The following ANK3 variants were observed in gnomAD, a reference collection of about 807,000 sequenced individuals.
ANK3 encodes the protein ankyrin 3, also known as ankyrin-3.
A neutral mutation model predicts 370.9 loss-of-function variants in ANK3; 57 were observed. The observed-to-expected ratio is 0.15, with a 90% confidence interval of 0.12 to 0.19. The LOEUF is 0.19. ANK3 is among the 10% of genes least tolerant of loss of function. ANK3 has a pLI of 1.00. For missense variants in ANK3, 4,439 were observed against 5,302.1 expected (o/e 0.84, Z 5.06); for synonymous variants, 1,929 against 1,946.3 (o/e 0.99, Z 0.23).
chr10:60,647,003 A>T (rs945939929), intron 1 of ANK3, among the ~76,000 whole-genome samples: 1 of 152,172 alleles, frequency 6.6e-6, no homozygotes, highest in African/African-American at 2.4e-5. Flanking sequence ...GTATATAGAC[A>T]TTACAGACTT....
chr10:60,210,831 T>C (rs1400034229), intron 9 of ANK3, among the ~76,000 whole-genome samples: 1 of 152,132 alleles, frequency 6.6e-6, no homozygotes, highest in Admixed American at 6.5e-5. Context: ...AACCTAAGTG[T>C]CTGAAGCAGT....
intron 2 of ANK3, among the ~76,000 whole-genome samples, chr10:60,474,836 T>C (rs1253674637): frequency 6.6e-6 from 1 of 152,166 alleles, no homozygotes; most frequent in Non-Finnish European, 1.5e-5. Context: ...GAAGAATATA[T>C]ACTACTATGT....
At chr10:60,389,998 G>GA, upstream of ANK3, 1 of 249,060 alleles carries the variant, frequency 4.0e-6, no homozygotes, top group Non-Finnish European at 6.4e-6. Context: ...AGAATCCTTT[G>GA]AAAAAAAGAA....
chr10:60,049,547 A>C (rs766482270), intron 42 of ANK3, among the ~76,000 whole-genome samples: 1 of 152,102 alleles, frequency 6.6e-6, no homozygotes, highest in East Asian at 1.9e-4. Flanking sequence ...AGATTACACC[A>C]CTGCACTCCA....
chr10:60,603,444 AT>A (rs1212728044), intron 2 of ANK3, among the ~76,000 whole-genome samples: 4 of 152,268 alleles, frequency 2.6e-5, no homozygotes, highest in Admixed American at 2.6e-4. Context: ...AGTAGGCCAA[AT>A]TAGGAGGGAG....
At chr10:60,160,911 C>T (rs1006328890) in intron 23 of ANK3, among the ~76,000 whole-genome samples, 1 of 152,012 alleles carries the variant, frequency 6.6e-6, no homozygotes, top group African/African-American at 2.4e-5. Context: ...AAGCTGTAAA[C>T]AACAGGCCCA....
intron 1 of ANK3, among the ~76,000 whole-genome samples, chr10:60,349,203 T>G (rs1396911276): frequency 3.3e-5 from 5 of 152,214 alleles, no homozygotes; most frequent in Non-Finnish European, 7.3e-5. Flanking sequence ...CATTTGCTAC[T>G]TGAACTTAAC....
At chr10:60,497,285 C>T (rs1376274558) in intron 2 of ANK3, among the ~76,000 whole-genome samples, 3 of 152,024 alleles carry the variant, frequency 2.0e-5, no homozygotes, top group African/African-American at 7.2e-5. Flanking sequence ...GAGACCCTGT[C>T]TTTAAAAAAA....
intron 28 of ANK3, among the ~76,000 whole-genome samples, chr10:60,099,898 A>G (rs924005234): frequency 1.3e-5 from 2 of 151,350 alleles, no homozygotes; most frequent in African/African-American, 4.9e-5. Flanking sequence ...AACCTCGTGG[A>G]CCTGCTTCAC....
chr10:60,410,823 G>T (rs2063543993), intron 2 of ANK3, among the ~76,000 whole-genome samples: 1 of 151,964 alleles, frequency 6.6e-6, no homozygotes, highest in South Asian at 2.1e-4. Context: ...ACACCAGAAT[G>T]CCTGGCCAAT....
intron 1 of ANK3, among the ~76,000 whole-genome samples, chr10:60,380,930 G>T (rs748867010): frequency 6.6e-6 from 1 of 152,120 alleles, no homozygotes; most frequent in Admixed American, 6.5e-5. Flanking sequence ...CAATCAGATC[G>T]CAGGGAGAAG....
intron 2 of ANK3, among the ~76,000 whole-genome samples, chr10:60,597,112 A>C (rs1023684395): frequency 2.0e-5 from 3 of 151,894 alleles, no homozygotes; most frequent in African/African-American, 7.3e-5. Flanking sequence ...CCCCAAATGT[A>C]AAAAAAATAG....
intron 1 of ANK3, among the ~76,000 whole-genome samples, chr10:60,692,923 A>C (rs1012890331): frequency 6.6e-6 from 1 of 152,228 alleles, no homozygotes; most frequent in Non-Finnish European, 1.5e-5. Flanking sequence ...ATTACCACTT[A>C]TTAGGCATGT....
At chr10:60,429,254 C>T (rs2063959579) in intron 2 of ANK3, among the ~76,000 whole-genome samples, 1 of 152,038 alleles carries the variant, frequency 6.6e-6, no homozygotes, top group Non-Finnish European at 1.5e-5. Context: ...TCTTGAGGTG[C>T]TTTGTTATCT....
At chr10:60,198,877 T>C (rs1184717525) in intron 13 of ANK3, among the ~76,000 whole-genome samples, 1 of 152,206 alleles carries the variant, frequency 6.6e-6, no homozygotes, top group Non-Finnish European at 1.5e-5. Context: ...GTAAAACTCA[T>C]ATACCTGGGA....
chr10:60,404,915 CACTT>C (rs1437313981), intron 2 of ANK3, among the ~76,000 whole-genome samples: 1 of 152,068 alleles, frequency 6.6e-6, no homozygotes, highest in African/African-American at 2.4e-5. Context: ...CTTTAACAGA[CACTT>C]ACAAATTGGT....
chr10:60,264,800 C>G (rs2097854667), intron 5 of ANK3, among the ~76,000 whole-genome samples: 1 of 151,984 alleles, frequency 6.6e-6, no homozygotes, highest in Non-Finnish European at 1.5e-5. Context: ...CTGGTGCTGT[C>G]AGGATAGGTG....
chr10:60,098,452 A>G lies in ANK3; in HGVS notation c.3328+7453T>C, dbSNP rs73257316. On this transcript the variant is annotated intron_variant, in intron 28 of 43. Transcript: ENST00000280772. ...ATCTATAATATTCAACTCTAGTTATAGAATATGTAGAACAACATAGCATTG... is the reference window on the plus strand; with the variant it reads ...ATCTATAATATTCAACTCTAGTTATGGAATATGTAGAACAACATAGCATTG... Among the ~76,000 whole-genome samples the G allele has an allele frequency of 5.0e-3, 759 of 152,346 alleles. 9 individuals carry two copies. The highest frequency in any genetic ancestry group is 0.017 in the African/African-American group (696 of 41,596).
intron 1 of ANK3, among the ~76,000 whole-genome samples, chr10:60,617,062 A>T (rs1421518900): frequency 2.6e-5 from 4 of 152,136 alleles, no homozygotes; most frequent in Non-Finnish European, 4.4e-5. Flanking sequence ...GCTATTAATC[A>T]TTTGTGTATC....
Sources: allele counts gnomAD v4.1 joint callset (sites outside exome capture counted in the v4.1 genomes callset), GRCh38; gene constraint gnomAD v4.1.1; transcripts MANE v1.5; gene names NCBI Gene and HGNC (gene_info 2026-07-23, HGNC 2026-07-21).